The following KRT13 variants were observed in gnomAD, a reference collection of about 807,000 sequenced individuals.
KRT13 encodes the protein keratin 13.
In KRT13, 27 loss-of-function variants were observed where a neutral mutation model predicts 40.6. The observed-to-expected ratio is 0.67, with a 90% CI of 0.49 to 0.92. The LOEUF (loss-of-function observed/expected upper bound fraction) is 0.92. KRT13 is among the 40% of genes least tolerant of loss of function. The pLI is 0.00. For synonymous variants in KRT13, 266 were observed against 240.3 expected, an observed-to-expected ratio of 1.11 and a Z score of -0.99; for missense variants, 605 against 611.5, an observed-to-expected ratio of 0.99 and a Z score of 0.11.
At chr17:41,502,910 G>T (rs199505704) in intron 4 of KRT13, 27 bp downstream of exon 4, 1 of 1,614,090 alleles carries the variant, frequency 6.2e-7, no homozygotes, top group Admixed American at 1.7e-5. Context: ...TATGGGATGG[G>T]CTATGTGGGG....
Position 41,503,268 on chromosome 17 carries a change from G to T in KRT13, c.735+19C>A. 1 of 1,614,034 alleles carries T rather than the reference G, an allele frequency of 6.2e-7. No homozygotes were observed. Among genetic ancestry groups the T allele is most frequent in the Non-Finnish European group, 8.5e-7 (1 of 1,179,946 alleles). ...ACTGGAGGTTGTTGAGCCCAGGGCA[G>T]CCTGCAATTCCCGCTCACCTCTTCA... On this transcript the variant is annotated intron_variant, in intron 3 of 7. Coordinates refer to ENST00000246635, the MANE Select transcript of KRT13 (RefSeq NM_153490.3).
Position 41,503,712 on chromosome 17 carries a change from G to C in KRT13, c.509C>G (p.Thr170Ser), listed in dbSNP as rs148102980. The C allele has an allele frequency of 1.6e-3, 2,621 of 1,613,904 alleles. 6 individuals carry two copies. Among genetic ancestry groups the C allele is most frequent in the Non-Finnish European group, 2.1e-3 (2,425 of 1,179,930 alleles). Residue 170 changes from threonine to serine, a missense_variant, in exon 2 of 8, where the codon ACC becomes AGC. Transcript: ENST00000246635. Reference sequence around the variant, plus strand: ...CAGGATGACCCGGTTGTTTTCAATGGTGGCGGTCAGGATCTACAAAATGCA... The same window carrying C: ...CAGGATGACCCGGTTGTTTTCAATGCTGGCGGTCAGGATCTACAAAATGCA... ...EELRDKILTA[T>S]IENNRVILEI...
Position 41,505,222 on chromosome 17 carries a change from T to C in KRT13, c.329A>G (p.Asn110Ser). The change falls in exon 1 of 8, where the codon AAC (asparagine) becomes AGC (serine). Residue 110 changes from asparagine to serine, a missense_variant. Asn to Ser is a conservative substitution (Grantham distance 46). Coordinates refer to ENST00000246635, the MANE Select transcript of KRT13 (RefSeq NM_153490.3). ...LTGNEKITMQ[N>S]LNDRLASYLE... ...GTAGGAAGCCAGGCGGTCGTTGAGG[T>C]TCTGCATGGTGATCTTCTCATTGCC... 6.2e-7 allele frequency: 1 copy of C among 1,613,976 alleles called. No homozygotes were observed. The highest frequency in any genetic ancestry group is 8.5e-7 in the Non-Finnish European group (1 of 1,179,972).
At position 41,501,803 on chromosome 17, in the gene KRT13, T is replaced by A; in HGVS notation, c.1245-59A>T. 1.9e-6 allele frequency: 3 copies of A among 1,568,104 alleles called. No individual in the cohort carries two copies. In the South Asian group the frequency reaches 3.5e-5, roughly 18 times the overall value. ...GGGTAACTGAGGGCAGGTGCTTACC[T>A]GTTCCTCTGGGGAAGTGCCTCGGCT... On this transcript the variant is annotated intron_variant, in intron 6 of 7. Coordinates refer to ENST00000246635, the MANE Select transcript of KRT13 (RefSeq NM_153490.3).
rs150947773 is a variant in KRT13 at position 41,503,067 on chromosome 17, C to T, written c.767G>A (p.Gly256Asp). The T allele has an allele frequency of 4.7e-4, 754 of 1,614,056 alleles. 1 individual carries two copies. Among genetic ancestry groups the T allele is most frequent in the Non-Finnish European group, 5.8e-4 (681 of 1,180,040 alleles). ...EMKEFSNQVV[G>D]QVNVEMDATP... ...GGCATCCATCTCCACGTTGACCTGG[C>T]CGACCACCTGGTTGCTAAATTCCTT... The change falls in exon 4 of 8, where the codon GGC becomes GAC. Residue 256 changes from glycine to aspartate, a missense_variant. Transcript: ENST00000246635.
In KRT13 at chr17:41,503,273, C is replaced by CA. The variant is rs748583604; in HGVS notation, c.735+13dup. ...AGGTTGTTGAGCCCAGGGCAGCCTG[C>CA]AATTCCCGCTCACCTCTTCATGGTT... On this transcript the variant is annotated intron_variant, in intron 3 of 7. Coordinates refer to ENST00000246635, the MANE Select transcript of KRT13 (RefSeq NM_153490.3). The CA allele has an allele frequency of 3.3e-5, 53 of 1,614,040 alleles. 1 individual carries two copies. In the East Asian group the frequency reaches 7.1e-4, roughly 22 times the overall value.
intron 6 of KRT13, 171 bp from the exon 7 acceptor site, chr17:41,501,915 A>ACTGTCTGTCTTTC: frequency 6.7e-7 from 1 of 1,497,356 alleles, no homozygotes; most frequent in Non-Finnish European, 8.9e-7. Flanking sequence ...GCCCACTGGG[A>ACTGTCTGTCTTTC]CTGTCTGTCT....
Position 41,505,176 on chromosome 17 carries a change from C to T in KRT13, c.375G>A (p.Leu125=). 1 of 1,614,220 alleles carries T rather than the reference C, an allele frequency of 6.2e-7. No individual in the cohort carries two copies. Among genetic ancestry groups the T allele is most frequent in the Non-Finnish European group, 8.5e-7 (1 of 1,180,032 alleles). The change falls in exon 1 of 8, where the codon CTG becomes CTA. Residue 125 remains leucine, a synonymous_variant. Coordinates refer to ENST00000246635, the MANE Select transcript of KRT13 (RefSeq NM_153490.3). ...CCTCCAGGTCAGCGTTGGCCTCCTC[C>T]AGGGCGCGCACCTTCTCCAGGTAGG... ...LASYLEKVRA[L]EEANADLEVK... is the part of the protein sequence containing the mutation.
At chr17:41,501,859 G>A (rs1319446390) in intron 6 of KRT13, 115 bp from the exon 7 acceptor site, 2 of 1,547,414 alleles carry the variant, frequency 1.3e-6, no homozygotes, top group Non-Finnish European at 1.7e-6. Flanking sequence ...CTGGACTCTA[G>A]TGCCTCCTAG....
chr17:41,503,686 C>G lies in KRT13; in HGVS notation c.535G>C (p.Glu179Gln). 2 of 1,613,990 alleles carry G rather than the reference C, an allele frequency of 1.2e-6. No individual in the cohort carries two copies. The highest frequency in any genetic ancestry group is 4.5e-5 in the East Asian group (2 of 44,858). Residue 179 changes from glutamate to glutamine, a missense_variant, in exon 2 of 8, where the codon GAG (glutamate) becomes CAG (glutamine). Glu to Gln is a conservative substitution (Grantham distance 29). Transcript: ENST00000246635. ...GCAGCCAGCCTGGCATTGTCAATCT[C>G]CAGGATGACCCGGTTGTTTTCAATG... is the stretch of plus-strand genomic sequence containing the variant. ...ATIENNRVILEIDNARLAADD... is the reference protein window; with the variant it reads ...ATIENNRVILQIDNARLAADD...
At position 41,502,788 on chromosome 17, in the gene KRT13, A is replaced by G. The variant is rs371567219; in HGVS notation, c.922T>C (p.Ser308Pro). Residue 308 changes from serine (S) to proline (P), a missense_variant, in exon 5 of 8, where the codon TCT (serine) becomes CCT (proline). Coordinates refer to ENST00000246635, the MANE Select transcript of KRT13 (RefSeq NM_153490.3). ...GTCTGAATCATGGCAGTGTTGGTAGACACCTCCTTGTTCAGCTCTGCACTC... is the reference window on the plus strand; with the variant it reads ...GTCTGAATCATGGCAGTGTTGGTAGGCACCTCCTTGTTCAGCTCTGCACTC... ...TKSAELNKEV[S>P]TNTAMIQTSK... 36 of 1,613,968 alleles carry G rather than the reference A, an allele frequency of 2.2e-5. No individual in the cohort carries two copies. The highest frequency in any genetic ancestry group is 3.0e-5 in the Non-Finnish European group (35 of 1,180,034).
rs1904849294 is a variant in KRT13, at chr17:41,501,492, C to G, written c.1271-130G>C. The G allele has an allele frequency of 2.8e-6, 3 of 1,072,108 alleles. No individual in the cohort carries two copies. The South Asian group carries it at 4.1e-5, about 15-fold the overall frequency. 66.4% of individuals were successfully genotyped at this position (1,072,108 alleles called of 1,614,324 possible). ...CGTGGATGGAGACTCTTTATTGTCC[C>G]CAAAGATGGCTCTTCCCAAGACAGC... On this transcript the variant is annotated intron_variant, in intron 7 of 7. Transcript: ENST00000246635.
intron 1 of KRT13, 46 bp from the exon 2 acceptor site, chr17:41,503,771 T>G: frequency 6.8e-7 from 1 of 1,463,008 alleles, no homozygotes; most frequent in Admixed American, 1.7e-5. Context: ...GGGTGTCCAG[T>G]CTGTTGGCTT....
chr17:41,502,049 G>A (rs1168149075), intron 6 of KRT13: 2 of 1,415,202 alleles, frequency 1.4e-6, no homozygotes, highest in Admixed American at 5.8e-5. Flanking sequence ...AGCCCACAGG[G>A]GTGGCTTGAT....
chr17:41,504,195 C>G (rs1017786723), intron 1 of KRT13: 12 of 200,902 alleles, frequency 6.0e-5, no homozygotes, highest in Admixed American at 3.7e-4. Flanking sequence ...TCTGAGCACC[C>G]TGGGGGAGAT....
At position 41,502,599 on chromosome 17, in the gene KRT13, T is replaced by G. The variant is rs777839874; in HGVS notation, c.1024-5A>C. Reference sequence around the variant, plus strand: ...CGTGTTCTCCAGCCCCGCTTTCTGGTGGAGCGACAGACAAGAAGTTACAGA... The same window carrying G: ...CGTGTTCTCCAGCCCCGCTTTCTGGGGGAGCGACAGACAAGAAGTTACAGA... On this transcript the variant is annotated splice_region_variant and splice_polypyrimidine_tract_variant and intron_variant, in intron 5 of 7. Coordinates refer to ENST00000246635, the MANE Select transcript of KRT13 (RefSeq NM_153490.3). The G allele has an allele frequency of 6.2e-7, 1 of 1,613,378 alleles. No individual in the cohort carries two copies. Among genetic ancestry groups the G allele is most frequent in the Non-Finnish European group, 8.5e-7 (1 of 1,180,000 alleles).
chr17:41,501,663 G>T, intron 7 of KRT13, 56 bp downstream of exon 7: 2 of 1,554,056 alleles, frequency 1.3e-6, no homozygotes. Context: ...CCCCATTGGG[G>T]CAGTGAATGG....
At chr17:41,501,912 G>A in intron 6 of KRT13, 168 bp from the exon 7 acceptor site, 7 of 1,500,164 alleles carry the variant, frequency 4.7e-6, no homozygotes, top group Non-Finnish European at 6.2e-6. Flanking sequence ...GGTGCCCACT[G>A]GGACTGTCTG....
chr17:41,503,923 G>T, intron 1 of KRT13, 198 bp from the exon 2 acceptor site: 1 of 600,744 alleles, frequency 1.7e-6, no homozygotes, highest in Non-Finnish European at 3.0e-6. Flanking sequence ...TTACAAATTT[G>T]TGTTAGGCCT....
Sources: gnomAD v4.1 joint callset for allele counts on GRCh38, gnomAD v4.1.1 for gene constraint, MANE v1.5 for transcripts, NCBI Gene and HGNC (gene_info 2026-07-23, HGNC 2026-07-21) for gene names.